The following PRDM11 variants were observed in gnomAD, a reference collection of about 807,000 sequenced individuals.
PRDM11 encodes PR/SET domain 11.
A neutral mutation model predicts 97.8 loss-of-function variants in PRDM11; 20 were observed. The ratio of observed to expected loss-of-function variants is 0.20; its 90% CI spans 0.14 to 0.30. The LOEUF (loss-of-function observed/expected upper bound fraction) is 0.30. Ranked by LOEUF, PRDM11 falls within the 10% of genes least tolerant of loss-of-function variation. The pLI, the probability that PRDM11 is intolerant of heterozygous loss-of-function variation, is 1.00. For synonymous variants in PRDM11, 599 were observed against 637.7 expected, an observed-to-expected ratio of 0.94 and a Z score of 0.91; for missense variants, 1,139 against 1,555.2, an observed-to-expected ratio of 0.73 and a Z score of 4.50.
At chr11:45,175,219 T>C (rs1852299143) in intron 1 of PRDM11, among the ~76,000 whole-genome samples, 1 of 152,248 alleles carries the variant, frequency 6.6e-6, no homozygotes, top group Admixed American at 6.5e-5. Flanking sequence ...CAATGTACAA[T>C]GACATGTGCC....
chr11:45,106,797 G>A (rs1029485678), intron 1 of PRDM11, among the ~76,000 whole-genome samples: 12 of 152,200 alleles, frequency 7.9e-5, no homozygotes, highest in African/African-American at 2.2e-4. Flanking sequence ...GCAGAAATGC[G>A]TGGCATTTTC....
rs1472265651 is a variant in PRDM11, at chr11:45,227,479, G to C, written c.2854G>C (p.Ala952Pro). ...GATCGCCATGAAGAACCTCAGGGTG[G>C]CTGAAGCCAAGTTCCAGTCCATCAG... ...NGIAMKNLRV[A>P]EAKFQSIREK... Residue 952 changes from alanine to proline, a missense_variant, in exon 8 of 8, where the codon GCT (alanine) becomes CCT (proline). This residue lies in a region of PRDM11 where 710 missense variants were observed against 1,044.9 expected (regional missense o/e 0.68). Transcript: ENST00000683152. The surrounding 1 kb of genome is among the most constrained non-coding windows in gnomAD (Gnocchi z 8.0). 2.0e-6 allele frequency: 3 copies of C among 1,533,690 alleles called. No individual in the cohort carries two copies. In the South Asian group the frequency reaches 3.6e-5, roughly 18 times the overall value.
chr11:45,100,822 A>G (rs1217475851), intron 1 of PRDM11, among the ~76,000 whole-genome samples: 1 of 152,208 alleles, frequency 6.6e-6, no homozygotes, highest in Middle Eastern at 3.2e-3. Context: ...ATTTTCTCTC[A>G]TTGGATGTGC....
chr11:45,227,976 C>A lies in PRDM11; in HGVS notation c.3351C>A (p.Ile1117=), dbSNP rs1411090323. The change falls in exon 8 of 8, where the codon ATC becomes ATA. Residue 1117 remains isoleucine, a synonymous_variant. Coordinates refer to ENST00000683152, the MANE Select transcript of PRDM11 (RefSeq NM_001384648.1). This position sits in a 1 kb window ranked among gnomAD's most constrained non-coding sequence, Gnocchi z 8.0. The part of the protein sequence containing the change: ...TLEQLSDLLT[I]AVNGPPITNF... ...AGCAGCTTAGCGACCTGTTGACAAT[C>A]GCTGTAAACGGACCGCCAATCACCA... is the stretch of plus-strand genomic sequence containing the variant. 1 of 1,533,822 alleles carries A rather than the reference C, an allele frequency of 6.5e-7. No homozygotes were observed. The highest frequency in any genetic ancestry group is 1.2e-5 in the South Asian group (1 of 83,958).
At chr11:45,108,917 C>T (rs1168549850) in intron 1 of PRDM11, among the ~76,000 whole-genome samples, 3 of 152,254 alleles carry the variant, frequency 2.0e-5, no homozygotes, top group Non-Finnish European at 2.9e-5. Flanking sequence ...AAAAAATACA[C>T]GCAGATTCTG....
At chr11:45,105,228 T>A (rs1852040930) in intron 1 of PRDM11, among the ~76,000 whole-genome samples, 1 of 152,232 alleles carries the variant, frequency 6.6e-6, no homozygotes, top group African/African-American at 2.4e-5. Context: ...CCTCATGGCC[T>A]AATTGCCTCC....
intron 1 of PRDM11, among the ~76,000 whole-genome samples, chr11:45,127,563 C>A (rs929305724): frequency 6.6e-6 from 1 of 152,166 alleles, no homozygotes; most frequent in Non-Finnish European, 1.5e-5. Flanking sequence ...CAGACAGGAC[C>A]CTCAGCTGCA....
At chr11:45,123,766 A>T (rs1337708887) in intron 1 of PRDM11, among the ~76,000 whole-genome samples, 1 of 151,932 alleles carries the variant, frequency 6.6e-6, no homozygotes, top group Non-Finnish European at 1.5e-5. Context: ...TATAGTTTGA[A>T]GTCAGGTAGC....
chr11:45,123,986 G>C (rs1565239349), intron 1 of PRDM11, among the ~76,000 whole-genome samples: 1 of 147,352 alleles, frequency 6.8e-6, no homozygotes, highest in Non-Finnish European at 1.5e-5. Flanking sequence ...AGCATGGAAT[G>C]TTCTTCCATT....
chr11:45,141,732 A>AGAACGGACTGCACT (rs1851408834), upstream of PRDM11, among the ~76,000 whole-genome samples: 1 of 152,204 alleles, frequency 6.6e-6, no homozygotes, highest in Admixed American at 6.5e-5. Context: ...ACTGCTCCTG[A>AGAACGGACTGCACT]GAACGGACTG....
chr11:45,219,537 C>T lies in PRDM11; in HGVS notation c.555-33C>T, dbSNP rs1180415343. The T allele has an allele frequency of 8.9e-6, 14 of 1,580,242 alleles. No homozygotes were observed. Among genetic ancestry groups the T allele is most frequent in the East Asian group, 6.7e-5 (3 of 44,542 alleles). ...AGCGGGCACTCAACAAAGGGTGGCC[C>T]GTGCGTTCTCACCTGTCTCCCCTCC... On this transcript the variant is annotated intron_variant, in intron 5 of 7. Transcript: ENST00000683152. This position sits in a 1 kb window ranked among gnomAD's most constrained non-coding sequence, Gnocchi z 4.2.
At chr11:45,146,200 T>C (rs957161653), upstream of PRDM11, among the ~76,000 whole-genome samples, 3 of 152,058 alleles carry the variant, frequency 2.0e-5, no homozygotes, top group African/African-American at 7.2e-5. Context: ...AAGGGTTAAA[T>C]GGGACCGGGA....
chr11:45,132,061 C>G (rs1322046899), intron 1 of PRDM11, among the ~76,000 whole-genome samples: 1 of 152,206 alleles, frequency 6.6e-6, no homozygotes, highest in Non-Finnish European at 1.5e-5. Context: ...AACATTCCCT[C>G]AAAGTCATTC....
At chr11:45,133,293 G>C (rs1007267468) in intron 1 of PRDM11, among the ~76,000 whole-genome samples, 1 of 152,102 alleles carries the variant, frequency 6.6e-6, no homozygotes, top group Non-Finnish European at 1.5e-5. Context: ...AAGGACATAA[G>C]TGACTCCTAT....
intron 1 of PRDM11, among the ~76,000 whole-genome samples, chr11:45,148,147 A>G (rs535115067): frequency 2.2e-4 from 33 of 152,252 alleles, no homozygotes; most frequent in African/African-American, 7.7e-4. Context: ...GCAGAGTTCT[A>G]TAGGGCACGT....
chr11:45,103,075 A>G (rs1852006483), intron 1 of PRDM11, among the ~76,000 whole-genome samples: 1 of 152,196 alleles, frequency 6.6e-6, no homozygotes, highest in South Asian at 2.1e-4. Context: ...CAGTGCTCAT[A>G]TAATCGTGAG....
intron 5 of PRDM11, among the ~76,000 whole-genome samples, chr11:45,217,711 A>G (rs1853999148): frequency 6.6e-6 from 1 of 152,242 alleles, no homozygotes; most frequent in Admixed American, 6.5e-5. Flanking sequence ...AAGGCAGGAT[A>G]TAGATGAGGG....
At chr11:45,196,303 T>C (rs1018991746) in intron 4 of PRDM11, among the ~76,000 whole-genome samples, 1 of 152,188 alleles carries the variant, frequency 6.6e-6, no homozygotes, top group Admixed American at 6.5e-5. Context: ...TGGGGAGAGC[T>C]ACCCAGGATG....
At chr11:45,225,763 C>A (rs11038360) in intron 7 of PRDM11, among the ~76,000 whole-genome samples, 50,535 of 151,962 alleles carry the variant, frequency 0.33, 9,770 homozygotes, top group Non-Finnish European at 0.44. Flanking sequence ...AGCCTGAAAT[C>A]TGGTGGGTGT....
Sources: allele counts gnomAD v4.1 joint callset (sites outside exome capture counted in the v4.1 genomes callset), GRCh38; gene constraint gnomAD v4.1.1; regional missense constraint gnomAD v4.1.1; non-coding constraint Gnocchi (gnomAD v3.1); transcripts MANE v1.5; gene names NCBI Gene and HGNC (gene_info 2026-07-23, HGNC 2026-07-21).